The following MAPK10 variants were observed in gnomAD, a reference collection of about 807,000 sequenced individuals.
MAPK10 encodes the protein JNK3 alpha protein kinase.
In MAPK10, 25 loss-of-function variants were observed where a neutral mutation model predicts 59.3. The observed-to-expected ratio is 0.42, with a 90% CI of 0.31 to 0.59. MAPK10 has a LOEUF of 0.59. Among genes scored for constraint, MAPK10 ranks in the 20% least tolerant of loss-of-function variants. MAPK10 has a pLI of 0.15. For synonymous variants in MAPK10, 190 were observed against 200.5 expected, an observed-to-expected ratio of 0.95 and a Z score of 0.44; for missense variants, 351 against 568.9, an observed-to-expected ratio of 0.62 and a Z score of 3.90.
At chr4:86,475,070 T>C (rs971543399) in intron 1 of MAPK10, among the ~76,000 whole-genome samples, 27 of 152,054 alleles carry the variant, frequency 1.8e-4, no homozygotes, top group African/African-American at 5.8e-4. Context: ...TGACTGTAAT[T>C]TTCCTTTAGC....
chr4:86,181,678 T>G (rs17011421), intron 3 of MAPK10, among the ~76,000 whole-genome samples: 49,418 of 151,886 alleles, frequency 0.33, 11,110 homozygotes, highest in African/African-American at 0.64. Flanking sequence ...ATATTTTCTG[T>G]AGTAAGATAA....
intron 1 of MAPK10, among the ~76,000 whole-genome samples, chr4:86,505,602 C>T (rs1755685180): frequency 6.6e-6 from 1 of 152,070 alleles, no homozygotes; most frequent in Non-Finnish European, 1.5e-5. Context: ...AAAAAAGTTT[C>T]CTTTTTTCAT....
chr4:86,374,892 T>C (rs1739529371), intron 1 of MAPK10, among the ~76,000 whole-genome samples: 1 of 152,192 alleles, frequency 6.6e-6, no homozygotes, highest in African/African-American at 2.4e-5. Flanking sequence ...AGAAATGAAA[T>C]ACAATGATAT....
chr4:86,052,072 CTG>C (rs1579218094), intron 11 of MAPK10, among the ~76,000 whole-genome samples: 1 of 151,742 alleles, frequency 6.6e-6, no homozygotes, highest in African/African-American at 2.4e-5. Context: ...CCACAAGAAA[CTG>C]TTTTTATAAT....
intron 9 of MAPK10, among the ~76,000 whole-genome samples, chr4:86,083,529 G>T (rs2051118735): frequency 6.6e-6 from 1 of 152,130 alleles, no homozygotes; most frequent in Admixed American, 6.5e-5. Flanking sequence ...AATCCCAGCA[G>T]TCAGAACTTG....
intron 2 of MAPK10, chr4:86,332,529 A>G (rs1055522927): frequency 1.3e-5 from 2 of 152,224 alleles, no homozygotes; most frequent in Admixed American, 1.3e-4. Context: ...TTTAGAGGAT[A>G]CGTTTCAGTC....
chr4:86,545,636 G>A (rs1759090258), intron 1 of MAPK10, among the ~76,000 whole-genome samples: 2 of 152,188 alleles, frequency 1.3e-5, no homozygotes. Context: ...GGGACATCGG[G>A]GAGAGGGGCT....
Position 86,521,809 on chromosome 4 carries a change from G to A in MAPK10, c.-263+72101C>T, listed in dbSNP as rs143085885. Among the ~76,000 whole-genome samples, 529 of 152,168 alleles carry A rather than the reference G, an allele frequency of 3.5e-3. 3 individuals are homozygous for A. The highest frequency in any genetic ancestry group is 0.012 in the African/African-American group (500 of 41,520). The stretch of plus-strand genomic sequence containing the variant: ...AGCTGTGGCTTGTATACTTGTATCG[G>A]CACTTCCCATTCACCATCCCCCTAC... On this transcript the variant is annotated intron_variant, in intron 1 of 4. Coordinates refer to the MAPK10 transcript ENST00000502302.
chr4:86,133,455 A>G (rs909718065), intron 4 of MAPK10, among the ~76,000 whole-genome samples: 5 of 152,170 alleles, frequency 3.3e-5, no homozygotes, highest in Non-Finnish European at 5.9e-5. Context: ...GAGCTCCAAA[A>G]TTTTATAAGC....
At chr4:86,207,776 T>C (rs1418632222) in intron 2 of MAPK10, among the ~76,000 whole-genome samples, 1 of 152,144 alleles carries the variant, frequency 6.6e-6, no homozygotes, top group Non-Finnish European at 1.5e-5. Flanking sequence ...CCTTGTAAGT[T>C]GGATTCCTAG....
intron 1 of MAPK10, among the ~76,000 whole-genome samples, chr4:86,544,694 A>G (rs963798354): frequency 1.3e-5 from 2 of 152,210 alleles, no homozygotes; most frequent in East Asian, 1.9e-4. Context: ...TTTGTTGCCA[A>G]TGTGGATTTC....
chr4:86,334,413 G>A (rs1047934841), intron 2 of MAPK10, among the ~76,000 whole-genome samples: 2 of 152,084 alleles, frequency 1.3e-5, no homozygotes, highest in Non-Finnish European at 2.9e-5. Flanking sequence ...ACATAGCAAA[G>A]AGAGCACTCT....
At chr4:86,433,492 ACTT>A (rs953800274) in intron 1 of MAPK10, among the ~76,000 whole-genome samples, 1 of 151,532 alleles carries the variant, frequency 6.6e-6, no homozygotes, top group African/African-American at 2.4e-5. Context: ...TTCTTGCTTA[ACTT>A]TTTTCCTCCC....
chr4:86,233,480 C>T (rs1283527760), intron 2 of MAPK10, among the ~76,000 whole-genome samples: 2 of 152,164 alleles, frequency 1.3e-5, no homozygotes, highest in Non-Finnish European at 2.9e-5. Flanking sequence ...TCTCCCCAGG[C>T]ATTAACCTCC....
chr4:86,372,568 GAAAAGAAAAGAAAA>G (rs1258343155), intron 1 of MAPK10, among the ~76,000 whole-genome samples: 4 of 29,028 alleles, frequency 1.4e-4, no homozygotes, highest in Admixed American at 4.0e-4. Flanking sequence ...AAGAAAGAAA[GAAAAGAAAAGAAAA>G]GAAAAGAAAA....
At chr4:86,426,240 T>G (rs1384741207) in intron 1 of MAPK10, among the ~76,000 whole-genome samples, 1 of 152,232 alleles carries the variant, frequency 6.6e-6, no homozygotes, top group African/African-American at 2.4e-5. Flanking sequence ...AAATGTTATT[T>G]TTATTATAAT....
chr4:86,580,416 T>C (rs1318771911), intron 1 of MAPK10, among the ~76,000 whole-genome samples: 1 of 151,966 alleles, frequency 6.6e-6, no homozygotes, highest in Admixed American at 6.6e-5. Context: ...GGAGAATTGC[T>C]TGAAGCCAGG....
At chr4:86,052,258 G>A (rs1380958411) in intron 11 of MAPK10, among the ~76,000 whole-genome samples, 2 of 151,924 alleles carry the variant, frequency 1.3e-5, no homozygotes, top group Non-Finnish European at 2.9e-5. Context: ...TTCCTAAAAC[G>A]TGTATTAAAT....
chr4:86,593,602 A>C (rs1432730919), intron 1 of MAPK10: 10 of 152,226 alleles, frequency 6.6e-5, no homozygotes, highest in Admixed American at 6.5e-4. Flanking sequence ...TTAGTCTCAT[A>C]GATAAAATAA....
Sources: allele counts gnomAD v4.1 joint callset (sites outside exome capture counted in the v4.1 genomes callset), GRCh38; gene constraint gnomAD v4.1.1; transcripts MANE v1.5; gene names NCBI Gene and HGNC (gene_info 2026-07-23, HGNC 2026-07-21).